PPFIBP2: variants seen among roughly 807,000 people sequenced by gnomAD.
PPFIBP2 encodes liprin-beta-2.
Under a neutral mutation model 118.3 loss-of-function variants are expected in PPFIBP2, and 118 were observed. The ratio of observed to expected loss-of-function variants is 1.00; its 90% CI spans 0.86 to 1.16. The LOEUF (loss-of-function observed/expected upper bound fraction) is 1.16. Ranked by LOEUF, PPFIBP2 falls within the 50% of genes most tolerant of loss-of-function variation. The pLI, the probability that PPFIBP2 is intolerant of heterozygous loss-of-function variation, is 0.00. For synonymous variants in PPFIBP2, 414 were observed against 397.4 expected (o/e 1.04, Z -0.50); for missense variants, 1,195 against 1,073.1 (o/e 1.11, Z -1.59).
At chr11:7,649,379 C>A (rs1853627281) in intron 20 of PPFIBP2, 144 bp downstream of exon 20, 7 of 1,253,810 alleles carry the variant, frequency 5.6e-6, no homozygotes, top group Non-Finnish European at 8.0e-6. Flanking sequence ...TCCCAAGTAG[C>A]AGAGTACAAA....
chr11:7,599,393 A>G (rs1391425436), intron 5 of PPFIBP2, among the ~76,000 whole-genome samples: 1 of 152,192 alleles, frequency 6.6e-6, no homozygotes, highest in Non-Finnish European at 1.5e-5. Context: ...CCACATAATC[A>G]GAGGTCAACA....
intron 17 of PPFIBP2, chr11:7,648,088 T>G (rs1853382245): frequency 3.5e-6 from 1 of 288,260 alleles, no homozygotes; most frequent in Admixed American, 4.7e-5. Flanking sequence ...TATGTGTGTA[T>G]GCGGACCTAG....
intron 10 of PPFIBP2, among the ~76,000 whole-genome samples, 158 bp downstream of exon 10, chr11:7,629,692 T>A (rs1850504530): frequency 6.6e-6 from 1 of 152,208 alleles, no homozygotes; most frequent in Non-Finnish European, 1.5e-5. Context: ...TGATGAGAAC[T>A]TAGCAGTTGT....
At position 7,616,500 on chromosome 11, in the gene PPFIBP2, T is replaced by C. The variant is rs993312656; in HGVS notation, c.619-4435T>C. ...GGCCTTATCGGTTTGGCCGGGAATG[T>C]GTCGTGTGGTAGACCAGGTAAATCC... On this transcript the variant is annotated intron_variant, in intron 6 of 23. Coordinates refer to ENST00000299492, the MANE Select transcript of PPFIBP2 (RefSeq NM_003621.5). The surrounding 1 kb of genome is among the most constrained non-coding windows in gnomAD (Gnocchi z 5.2). Among the ~76,000 whole-genome samples, 1 of 152,224 alleles carries C rather than the reference T, an allele frequency of 6.6e-6. No homozygotes were observed. Among genetic ancestry groups the C allele is most frequent in the African/African-American group, 2.4e-5 (1 of 41,454 alleles).
chr11:7,592,859 G>A (rs1859584887), intron 3 of PPFIBP2, among the ~76,000 whole-genome samples: 1 of 152,168 alleles, frequency 6.6e-6, no homozygotes, highest in African/African-American at 2.4e-5. Flanking sequence ...GCACTGCTGG[G>A]CCTAGAGTTT....
In PPFIBP2 at chr11:7,530,678, C is replaced by T. The variant is rs77151884; in HGVS notation, c.-37+16557C>T. Among the ~76,000 whole-genome samples, 22 of 152,328 alleles carry T rather than the reference C, an allele frequency of 1.4e-4. No individual in the cohort carries two copies. The East Asian group carries it at 4.2e-3, about 29-fold the overall frequency. On this transcript the variant is annotated intron_variant, in intron 1 of 23. Transcript: ENST00000299492. ...ATACATTTCCATTGTTTGTGAGCTA[C>T]CTTCCCAATTTATGGTAATTTTGTT...
chr11:7,600,698 G>C (rs1282032092), intron 5 of PPFIBP2, among the ~76,000 whole-genome samples: 3 of 152,270 alleles, frequency 2.0e-5, no homozygotes, highest in Non-Finnish European at 4.4e-5. Flanking sequence ...GTGCTTCCTC[G>C]GGGTTTGCTG....
intron 5 of PPFIBP2, among the ~76,000 whole-genome samples, chr11:7,607,567 A>G (rs773039625): frequency 5.4e-4 from 82 of 152,062 alleles, no homozygotes; most frequent in Non-Finnish European, 2.1e-4. Flanking sequence ...TTTTATTAGT[A>G]ATTGTCATGT....
downstream of PPFIBP2, among the ~76,000 whole-genome samples, chr11:7,660,747 G>A (rs1175491401): frequency 6.6e-6 from 1 of 150,846 alleles, no homozygotes; most frequent in Non-Finnish European, 1.5e-5. Context: ...TGTACCTCTG[G>A]TAGAATTCGG....
chr11:7,574,387 C>T (rs1856021721), intron 3 of PPFIBP2, among the ~76,000 whole-genome samples: 1 of 152,238 alleles, frequency 6.6e-6, no homozygotes, highest in African/African-American at 2.4e-5. Context: ...AAGCCCAGGC[C>T]CCCGAGCTCC....
At chr11:7,594,065 G>T (rs948176461) in intron 4 of PPFIBP2, among the ~76,000 whole-genome samples, 1 of 152,144 alleles carries the variant, frequency 6.6e-6, no homozygotes, top group East Asian at 1.9e-4. Flanking sequence ...GGTTGAGCGG[G>T]GCCTGGAACC....
rs759232205 is a variant in PPFIBP2 at position 7,565,736 on chromosome 11, C to G, written c.248C>G (p.Ala83Gly). 1.9e-6 allele frequency: 3 copies of G among 1,614,162 alleles called. No individual in the cohort carries two copies. The highest frequency in any genetic ancestry group is 1.7e-6 in the Non-Finnish European group (2 of 1,180,028). Residue 83 changes from alanine (A) to glycine (G), a missense_variant, in exon 3 of 24, where the codon GCC becomes GGC. By Grantham distance (60) the Ala-to-Gly change is moderately conservative. Coordinates refer to ENST00000299492, the MANE Select transcript of PPFIBP2 (RefSeq NM_003621.5). ...LLSQIPGPTA[A>G]YIKEWFEESL... is the part of the protein sequence containing the mutation. ...AGCCAGATCCCTGGCCCAACAGCTG[C>G]CTACATAAAGGAATGGTTTGAAGAG...
intron 7 of PPFIBP2, among the ~76,000 whole-genome samples, chr11:7,621,874 AG>A (rs1289316928): frequency 6.6e-6 from 1 of 152,178 alleles, no homozygotes; most frequent in Admixed American, 6.5e-5. Context: ...TTTTTGTGCA[AG>A]TTAGTTGCTA....
At chr11:7,664,813 C>G in the PPFIBP2 span, among the ~76,000 whole-genome samples, 47 of 151,364 alleles carry the variant, frequency 3.1e-4, no homozygotes, top group Admixed American at 2.4e-3. Flanking sequence ...CCCTCCCCCC[C>G]ACCCCGACAG....
chr11:7,665,830 G>C, the PPFIBP2 span: 1 of 1,534,276 alleles, frequency 6.5e-7, no homozygotes, highest in South Asian at 1.2e-5. Flanking sequence ...GGTATACCGA[G>C]GTGTGTGAAT....
intron 8 of PPFIBP2, among the ~76,000 whole-genome samples, chr11:7,626,293 A>G (rs1356959452): frequency 2.0e-5 from 3 of 152,234 alleles, no homozygotes; most frequent in Non-Finnish European, 4.4e-5. Flanking sequence ...TTTCATGGAT[A>G]CCTGCCTGAT....
At chr11:7,581,878 C>T (rs915726673) in intron 3 of PPFIBP2, among the ~76,000 whole-genome samples, 23 of 151,880 alleles carry the variant, frequency 1.5e-4, no homozygotes, top group African/African-American at 5.1e-4. Flanking sequence ...GGTCTGTCAC[C>T]CAGGCTGGAG....
intron 6 of PPFIBP2, among the ~76,000 whole-genome samples, chr11:7,611,459 A>T (rs1252649045): frequency 6.6e-6 from 1 of 152,216 alleles, no homozygotes; most frequent in African/African-American, 2.4e-5. Context: ...GAATATTTCT[A>T]ATGTGTGAGC....
At chr11:7,606,113 T>C (rs1003876202) in intron 5 of PPFIBP2, 1 of 1,359,700 alleles carries the variant, frequency 7.4e-7, no homozygotes, top group African/African-American at 1.5e-5. Flanking sequence ...AGCACTGTCT[T>C]AGAATAGCAG....
Sources: allele counts gnomAD v4.1 joint callset (sites outside exome capture counted in the v4.1 genomes callset), GRCh38; gene constraint gnomAD v4.1.1; non-coding constraint Gnocchi (gnomAD v3.1); transcripts MANE v1.5; gene names NCBI Gene and HGNC (gene_info 2026-07-23, HGNC 2026-07-21).